TMC1: variants seen among roughly 807,000 people sequenced by gnomAD.
TMC1 encodes the protein transmembrane channel-like protein 1.
A neutral mutation model predicts 105.8 loss-of-function variants in TMC1; 84 were observed. The observed-to-expected ratio is 0.79, with a 90% confidence interval of 0.67 to 0.95. The LOEUF is 0.95. Ranked by LOEUF, TMC1 falls within the 40% of genes least tolerant of loss-of-function variation. TMC1 has a pLI of 0.00. For missense variants in TMC1, 817 were observed against 914.1 expected, an observed-to-expected ratio of 0.89 and a Z score of 1.37; for synonymous variants, 315 against 311.5, an observed-to-expected ratio of 1.01 and a Z score of -0.12.
chr9:72,543,920 CT>C (rs2132066263), intron 1 of TMC1, among the ~76,000 whole-genome samples: 1 of 149,782 alleles, frequency 6.7e-6, no homozygotes, highest in East Asian at 2.0e-4. Flanking sequence ...TCCTAAAATG[CT>C]TCAATAGTTT....
chr9:72,586,780 C>T (rs957190123), intron 2 of TMC1, among the ~76,000 whole-genome samples: 1 of 152,240 alleles, frequency 6.6e-6, no homozygotes, highest in Non-Finnish European at 1.5e-5. Flanking sequence ...CCCTACTTTT[C>T]TACCTGCTCT....
chr9:72,708,529 A>G (rs1156931373), intron 8 of TMC1, among the ~76,000 whole-genome samples: 1 of 147,942 alleles, frequency 6.8e-6, no homozygotes, highest in Non-Finnish European at 1.5e-5. Flanking sequence ...TCCTGTGGCT[A>G]TTGTAAAAGG....
chr9:72,789,366 T>G, intron 15 of TMC1, 49 bp downstream of exon 15: 1 of 1,576,096 alleles, frequency 6.3e-7, no homozygotes, highest in Non-Finnish European at 8.7e-7. Context: ...CATTTGTTTC[T>G]TTTGTGGGTT....
At chr9:72,569,611 A>G (rs922689462) in intron 1 of TMC1, among the ~76,000 whole-genome samples, 1 of 152,212 alleles carries the variant, frequency 6.6e-6, no homozygotes, top group African/African-American at 2.4e-5. Flanking sequence ...AGGAAGCAAC[A>G]AAGCACAGAG....
intron 2 of TMC1, among the ~76,000 whole-genome samples, chr9:72,586,509 A>G (rs1824556136): frequency 6.6e-6 from 1 of 152,202 alleles, no homozygotes; most frequent in African/African-American, 2.4e-5. Context: ...GTTTTCAAAA[A>G]GGCTTCTATT....
At chr9:72,734,017 C>G (rs886603448) in intron 8 of TMC1, among the ~76,000 whole-genome samples, 1 of 152,160 alleles carries the variant, frequency 6.6e-6, no homozygotes, top group African/African-American at 2.4e-5. Context: ...GATACTGTGA[C>G]AGTCAATCTG....
In TMC1 at chr9:72,820,825, TTC is replaced by T; in HGVS notation, c.1764-15_1764-14del. 1.9e-6 allele frequency: 3 copies of T among 1,613,446 alleles called. No individual in the cohort carries two copies. The highest frequency in any genetic ancestry group is 2.5e-6 in the Non-Finnish European group (3 of 1,179,914). ...AGTAAAGACTCAAAACTGAGCAGAG[TTC>T]TGTTTTCTTTCTAGGATGGGCTCCT... On this transcript the variant is annotated splice_polypyrimidine_tract_variant and intron_variant, in intron 19 of 23. Coordinates refer to ENST00000297784, the MANE Select transcript of TMC1 (RefSeq NM_138691.3).
At chr9:72,717,281 T>C (rs1392429286) in intron 8 of TMC1, among the ~76,000 whole-genome samples, 1 of 152,242 alleles carries the variant, frequency 6.6e-6, no homozygotes, top group Non-Finnish European at 1.5e-5. Flanking sequence ...ATTTAGGCCA[T>C]CTGCATTCAA....
At chr9:72,664,866 G>A (rs560346077) in intron 5 of TMC1, among the ~76,000 whole-genome samples, 13 of 152,284 alleles carry the variant, frequency 8.5e-5, no homozygotes, top group South Asian at 6.2e-4. Flanking sequence ...AGCCATCTGC[G>A]GATGGCGGAG....
intron 1 of TMC1, among the ~76,000 whole-genome samples, chr9:72,568,887 A>C (rs142529697): frequency 3.2e-4 from 48 of 152,322 alleles, no homozygotes; most frequent in African/African-American, 1.1e-3. Context: ...AATTTTTTAG[A>C]AAATAAAAGC....
chr9:72,739,065 A>G (rs1044466488), intron 8 of TMC1, among the ~76,000 whole-genome samples: 2 of 152,270 alleles, frequency 1.3e-5, no homozygotes, highest in African/African-American at 4.8e-5. Flanking sequence ...ACAAATGGCC[A>G]TAGACCGGGT....
At chr9:72,622,962 G>A (rs981143993) in intron 3 of TMC1, among the ~76,000 whole-genome samples, 3 of 151,064 alleles carry the variant, frequency 2.0e-5, no homozygotes, top group Admixed American at 6.6e-5. Context: ...TGAGGCAGGA[G>A]AATCACTTGA....
chr9:72,647,681 T>G (rs1825737054), intron 4 of TMC1, among the ~76,000 whole-genome samples: 1 of 152,196 alleles, frequency 6.6e-6, no homozygotes, highest in Admixed American at 6.5e-5. Context: ...GCCTTGGCTA[T>G]GTACTAGTCT....
chr9:72,707,477 T>G (rs1024511793), intron 8 of TMC1, among the ~76,000 whole-genome samples: 6 of 152,220 alleles, frequency 3.9e-5, no homozygotes, highest in African/African-American at 9.6e-5. Context: ...TGGTATTACA[T>G]TGTGGTTTTG....
Position 72,764,745 on chromosome 9 carries a change from A to AT in TMC1, c.742-7659dup, listed in dbSNP as rs200244945. On this transcript the variant is annotated intron_variant, in intron 12 of 23. Coordinates refer to ENST00000297784, the MANE Select transcript of TMC1 (RefSeq NM_138691.3). ...GGATTGCTAATGATTACCAGAAGCA[A>AT]TTTTTTTTTGTTCATTCAATCACTC... Among the ~76,000 whole-genome samples, 1,214 of 151,866 alleles carry AT rather than the reference A, an allele frequency of 8.0e-3. 11 individuals are homozygous for AT. The highest frequency in any genetic ancestry group is 0.011 in the Non-Finnish European group (722 of 67,910).
At chr9:72,740,318 A>G in intron 9 of TMC1, 109 bp downstream of exon 9, 1 of 884,150 alleles carries the variant, frequency 1.1e-6, no homozygotes, top group Non-Finnish European at 1.9e-6. Flanking sequence ...TATAAAACAC[A>G]AATACTCATA....
intron 17 of TMC1, among the ~76,000 whole-genome samples, chr9:72,804,698 T>C (rs954595666): frequency 2.0e-5 from 3 of 152,236 alleles, no homozygotes; most frequent in African/African-American, 7.2e-5. Context: ...TGATGGATCT[T>C]AACAAATTTC....
intron 8 of TMC1, among the ~76,000 whole-genome samples, chr9:72,733,261 A>G (rs1033054584): frequency 3.9e-5 from 6 of 151,910 alleles, no homozygotes; most frequent in African/African-American, 1.2e-4. Context: ...ACAGCAGCAC[A>G]GCATGGCTGG....
At chr9:72,575,269 C>T (rs569014022) in intron 1 of TMC1, among the ~76,000 whole-genome samples, 2 of 152,140 alleles carry the variant, frequency 1.3e-5, no homozygotes, top group South Asian at 4.2e-4. Context: ...CAACCTCTGC[C>T]TCCCGGGTTC....
Sources: gnomAD v4.1 joint callset for allele counts (sites outside exome capture counted in the v4.1 genomes callset) on GRCh38, gnomAD v4.1.1 for gene constraint, MANE v1.5 for transcripts, NCBI Gene and HGNC (gene_info 2026-07-23, HGNC 2026-07-21) for gene names.